Variants in B3GAT1 observed in about 807,000 individuals in gnomAD.
B3GAT1 encodes the protein beta-1,3-glucuronyltransferase 1.
Under a neutral mutation model 28.4 loss-of-function variants are expected in B3GAT1, and 11 were observed. The observed-to-expected ratio is 0.39, with a 90% CI of 0.24 to 0.64. The LOEUF (loss-of-function observed/expected upper bound fraction) is 0.64, where lower values mean the gene tolerates loss of function less well. Among genes scored for constraint, B3GAT1 ranks in the 30% least tolerant of loss-of-function variants. B3GAT1 has a pLI of 0.50. For missense variants in B3GAT1, 375 were observed against 491.0 expected, an observed-to-expected ratio of 0.76 and a Z score of 2.23; for synonymous variants, 255 against 223.1, an observed-to-expected ratio of 1.14 and a Z score of -1.27.
chr11:134,381,226 C>T (rs190968483), intron 5 of B3GAT1, among the ~76,000 whole-genome samples: 2 of 152,342 alleles, frequency 1.3e-5, no homozygotes, highest in East Asian at 1.9e-4. Flanking sequence ...ATTCATTTAG[C>T]TTCTCTCAAC....
rs1451210078 is a variant in B3GAT1 at position 134,411,668 on chromosome 11, G to A, written c.-282+139C>T. The A allele has an allele frequency of 1.3e-5, 1 of 76,140 alleles. No homozygotes were observed. The highest frequency in any genetic ancestry group is 2.5e-5 in the Non-Finnish European group (1 of 39,730). The allele number at this position is 76,140 out of a possible 1,614,324, so 4.7% of individuals were successfully genotyped here. On this transcript the variant is annotated intron_variant, in intron 1 of 5. Transcript: ENST00000312527. This position sits in a 1 kb window ranked among gnomAD's most constrained non-coding sequence, Gnocchi z 6.0. ...TTTCCAGCTGCCCCCAGCGCGCGCA[G>A]CGCACACACACACACACACACACAC...
rs111892070 is a variant in B3GAT1 at position 134,391,673 on chromosome 11, G to A, written c.-281-3733C>T. On this transcript the variant is annotated intron_variant, in intron 1 of 5. Coordinates refer to ENST00000312527, the MANE Select transcript of B3GAT1 (RefSeq NM_054025.3). The stretch of plus-strand genomic sequence containing the variant: ...AGGAGGAGATGGGTGGAGGCACAAG[G>A]GGGACTTCGTGGAGAGGCAGGACGC... The A allele has an allele frequency of 6.0e-3, 916 of 153,288 alleles. 5 individuals are homozygous for A. Among genetic ancestry groups the A allele is most frequent in the Non-Finnish European group, 9.4e-3 (644 of 68,728 alleles). 9.5% of individuals were successfully genotyped at this position (153,288 alleles called of 1,614,324 possible). A position where few individuals can be genotyped will look rare whatever the true frequency, so the allele number is the denominator to read the frequency against.
chr11:134,394,532 C>A (rs1411026692), intron 1 of B3GAT1, among the ~76,000 whole-genome samples: 21 of 152,362 alleles, frequency 1.4e-4, no homozygotes, highest in African/African-American at 5.0e-4. Context: ...GACCTTTCAT[C>A]CCCTGCATGG....
At chr11:134,403,571 G>A (rs1468372413) in intron 1 of B3GAT1, among the ~76,000 whole-genome samples, 3 of 152,144 alleles carry the variant, frequency 2.0e-5, no homozygotes, top group Non-Finnish European at 4.4e-5. Context: ...TTCCCTCTGG[G>A]CAGAAGTATT....
At chr11:134,403,983 TTATATATATATA>T (rs55794505) in intron 1 of B3GAT1, among the ~76,000 whole-genome samples, 1,002 of 40,648 alleles carry the variant, frequency 0.025, 21 homozygotes, top group East Asian at 0.054. Flanking sequence ...GTTTCTTTCT[TTATATATATATA>T]TATATATATA....
At chr11:134,385,615 A>T (rs964508271) in intron 2 of B3GAT1, 1 of 151,762 alleles carries the variant, frequency 6.6e-6, no homozygotes, top group Non-Finnish European at 1.5e-5. Flanking sequence ...ATGGGCAGTC[A>T]AGTTTTGGAA....
At position 134,411,609 on chromosome 11, in the gene B3GAT1, G is replaced by C. The variant is rs932866588; in HGVS notation, c.-282+198C>G. ...TTTGTTTCGCAGCCCCTCGGCAGCAGCGCCTCCCAGCCCGAGCTCGGTTCT... is the reference window on the plus strand; with the variant it reads ...TTTGTTTCGCAGCCCCTCGGCAGCACCGCCTCCCAGCCCGAGCTCGGTTCT... On this transcript the variant is annotated intron_variant, in intron 1 of 5. Transcript: ENST00000312527. The surrounding 1 kb of genome is among the most constrained non-coding windows in gnomAD (Gnocchi z 6.0). 1.3e-5 allele frequency among the ~76,000 whole-genome samples: 2 copies of C among 152,042 alleles called. No homozygotes were observed. Among genetic ancestry groups the C allele is most frequent in the African/African-American group, 4.8e-5 (2 of 41,410 alleles).
rs2136295506 is a variant in B3GAT1 at position 134,378,630 on chromosome 11, T to A, written c.*2132A>T. 6.6e-6 allele frequency: 1 copy of A among 152,352 alleles called. No homozygotes were observed. The highest frequency in any genetic ancestry group is 1.5e-5 in the Non-Finnish European group (1 of 68,040). The allele number at this position is 152,352 out of a possible 1,614,324, so 9.4% of individuals were successfully genotyped here. ...CCCCAGCCTCTGTTCTTAGAACTCC[T>A]AGCCCCTGGCCTCACTCCTGTGTGG... On this transcript the variant is annotated 3_prime_UTR_variant, in exon 6 of 6. Coordinates refer to ENST00000312527, the MANE Select transcript of B3GAT1 (RefSeq NM_054025.3).
chr11:134,410,728 C>T (rs898263420), intron 1 of B3GAT1, among the ~76,000 whole-genome samples: 1 of 152,330 alleles, frequency 6.6e-6, no homozygotes, highest in South Asian at 2.1e-4. Flanking sequence ...CAGCCACATG[C>T]CCCACAGCCC....
At chr11:134,386,038 A>G (rs915002295) in intron 2 of B3GAT1, 2 of 152,252 alleles carry the variant, frequency 1.3e-5, no homozygotes, top group African/African-American at 2.4e-5. Flanking sequence ...TATTTGCAAG[A>G]TAACAATGAT....
intron 5 of B3GAT1, chr11:134,381,599 C>T (rs61533638): frequency 0.15 from 40,395 of 272,290 alleles, 3,538 homozygotes; most frequent in African/African-American, 0.17. Context: ...GGGGGACAGA[C>T]GCTGGCCAGC....
At position 134,379,246 on chromosome 11, in the gene B3GAT1, G is replaced by T. The variant is rs1427678155; in HGVS notation, c.*1516C>A. 2.7e-4 allele frequency: 41 copies of T among 150,528 alleles called. No individual in the cohort carries two copies. The highest frequency in any genetic ancestry group is 3.3e-4 in the Non-Finnish European group (22 of 67,642). 9.3% of individuals were successfully genotyped at this position (150,528 alleles called of 1,614,324 possible). A position where few individuals can be genotyped will look rare whatever the true frequency, so the allele number is the denominator to read the frequency against. ...GAGTCCCACCCACCCACCCACTCAGGAGTGGGTTCTGAATGGCCCTCAGAC... is the reference window on the plus strand; with the variant it reads ...GAGTCCCACCCACCCACCCACTCAGTAGTGGGTTCTGAATGGCCCTCAGAC... On this transcript the variant is annotated 3_prime_UTR_variant, in exon 6 of 6. Transcript: ENST00000312527.
rs1351980901 is a variant in B3GAT1, at chr11:134,393,613, A to G, written c.-281-5673T>C. Among the ~76,000 whole-genome samples, 1 of 152,172 alleles carries G rather than the reference A, an allele frequency of 6.6e-6. No individual in the cohort carries two copies. The highest frequency in any genetic ancestry group is 1.9e-4 in the East Asian group (1 of 5,192). On this transcript the variant is annotated intron_variant, in intron 1 of 5. Transcript: ENST00000312527. The surrounding 1 kb of genome is among the most constrained non-coding windows in gnomAD (Gnocchi z 4.0). ...TATGAAATTTTCATAGAAACAACAC[A>G]TTTACTTCAACACGCTATTTCAACA...
chr11:134,411,239 G>A lies in B3GAT1; in HGVS notation c.-282+568C>T, dbSNP rs948393990. Among the ~76,000 whole-genome samples, 1 of 152,186 alleles carries A rather than the reference G, an allele frequency of 6.6e-6. No homozygotes were observed. The highest frequency in any genetic ancestry group is 2.4e-5 in the African/African-American group (1 of 41,444). On this transcript the variant is annotated intron_variant, in intron 1 of 5. Transcript: ENST00000312527. This position sits in a 1 kb window ranked among gnomAD's most constrained non-coding sequence, Gnocchi z 6.0. ...GAGCCCAGGTGCAGATGGGAGGGTG[G>A]TGAACTGGTCGCGCCTCCTTCCTCC... is the stretch of plus-strand genomic sequence containing the variant.
At position 134,382,844 on chromosome 11, in the gene B3GAT1, G is replaced by T; in HGVS notation, c.784C>A (p.Leu262Met). Residue 262 changes from leucine to methionine, a missense_variant, in exon 4 of 6, where the codon CTG becomes ATG. By Grantham distance (15) the Leu-to-Met change is conservative. Coordinates refer to ENST00000312527, the MANE Select transcript of B3GAT1 (RefSeq NM_054025.3). ...AIDMAGFAVN[L>M]RLILQRSQAY... The stretch of plus-strand genomic sequence containing the variant: ...TGGCTTCGCTGCAGAATGAGCCGCA[G>T]GTTGACGGCAAATCCAGCCATGTCT... The T allele has an allele frequency of 6.2e-7, 1 of 1,614,226 alleles. No individual in the cohort carries two copies. The highest frequency in any genetic ancestry group is 8.5e-7 in the Non-Finnish European group (1 of 1,180,038).
At chr11:134,405,445 C>T (rs958088408) in intron 1 of B3GAT1, among the ~76,000 whole-genome samples, 1 of 152,190 alleles carries the variant, frequency 6.6e-6, no homozygotes, top group Non-Finnish European at 1.5e-5. Flanking sequence ...TAGCAATTCA[C>T]GGGTTTCATT....
rs1321083975 is a variant in B3GAT1, at chr11:134,410,297, G to T, written c.-282+1510C>A. On this transcript the variant is annotated intron_variant, in intron 1 of 5. Transcript: ENST00000312527. ...CGCCTGCAAGCTTCCAGCTCACCTG[G>T]ACCTGGAGTGATCCCCAAGCATCCT... is the stretch of plus-strand genomic sequence containing the variant. Among the ~76,000 whole-genome samples the T allele has an allele frequency of 5.9e-5, 9 of 152,218 alleles. No homozygotes were observed. In the South Asian group the frequency reaches 1.9e-3, roughly 32 times the overall value.
At position 134,383,018 on chromosome 11, in the gene B3GAT1, G is replaced by GC. The variant is rs760392401; in HGVS notation, c.622-13_622-12insG. ...CTGGTGCTGCGCATCTACAAGGGGG[G>GC]GGTCCAGAGTCAGGGCGCCGGCACT... On this transcript the variant is annotated splice_polypyrimidine_tract_variant and intron_variant, in intron 3 of 5. Coordinates refer to ENST00000312527, the MANE Select transcript of B3GAT1 (RefSeq NM_054025.3). The GC allele has an allele frequency of 7.1e-5, 109 of 1,537,314 alleles. No individual in the cohort carries two copies. Among genetic ancestry groups the GC allele is most frequent in the Non-Finnish European group, 9.4e-5 (107 of 1,140,264 alleles).
In B3GAT1 at chr11:134,379,327, C is replaced by T. The variant is rs888425973; in HGVS notation, c.*1435G>A. 2 of 151,664 alleles carry T rather than the reference C, an allele frequency of 1.3e-5. No homozygotes were observed. Among genetic ancestry groups the T allele is most frequent in the African/African-American group, 4.8e-5 (2 of 41,298 alleles). The allele number at this position is 151,664 out of a possible 1,614,324, so 9.4% of individuals were successfully genotyped here. A position where few individuals can be genotyped will look rare whatever the true frequency, so the allele number is the denominator to read the frequency against. On this transcript the variant is annotated 3_prime_UTR_variant, in exon 6 of 6. Transcript: ENST00000312527. ...GCTGTTAGTTAAAAAATAAACACCT[C>T]TTCAGTAGGCTGGGGCCCTTTCCTT...
Sources: allele counts gnomAD v4.1 joint callset (sites outside exome capture counted in the v4.1 genomes callset), GRCh38; gene constraint gnomAD v4.1.1; non-coding constraint Gnocchi (gnomAD v3.1); transcripts MANE v1.5; gene names NCBI Gene and HGNC (gene_info 2026-07-23, HGNC 2026-07-21).